The following SH3PXD2B variants were observed in gnomAD, a reference collection of about 807,000 sequenced individuals.
The protein encoded by SH3PXD2B is SH3 and PX domains 2B, also known as SH3 and PX domain-containing protein 2B.
A neutral mutation model predicts 73.1 loss-of-function variants in SH3PXD2B; 37 were observed. The observed-to-expected ratio is 0.51, with a 90% CI of 0.39 to 0.67. The LOEUF (loss-of-function observed/expected upper bound fraction) is 0.67, where lower values mean the gene tolerates loss of function less well. Ranked by LOEUF, SH3PXD2B falls within the 30% of genes least tolerant of loss-of-function variation. The pLI, the probability that SH3PXD2B is intolerant of heterozygous loss-of-function variation, is 0.00. For synonymous variants in SH3PXD2B, 457 were observed against 480.5 expected (o/e 0.95, Z 0.64); for missense variants, 1,053 against 1,197.8 (o/e 0.88, Z 1.78).
At chr5:172,442,589 T>G (rs1759572212) in intron 1 of SH3PXD2B, among the ~76,000 whole-genome samples, 2 of 152,198 alleles carry the variant, frequency 1.3e-5, no homozygotes. Context: ...AGCTACAAAT[T>G]TTAAGGAGTA....
Position 172,337,793 on chromosome 5 carries a change from C to G in SH3PXD2B, c.*576G>C. 1.0e-6 allele frequency: 1 copy of G among 996,256 alleles called. No individual in the cohort carries two copies. Among genetic ancestry groups the G allele is most frequent in the Non-Finnish European group, 1.2e-6 (1 of 836,092 alleles). 61.7% of individuals were successfully genotyped at this position (996,256 alleles called of 1,614,324 possible). ...GCCGCATCCAGTGGAACCTCAGAGGCCCACGGGCCTGAGGCTTTGGGGAAG... is the reference window on the plus strand; with the variant it reads ...GCCGCATCCAGTGGAACCTCAGAGGGCCACGGGCCTGAGGCTTTGGGGAAG... On this transcript the variant is annotated 3_prime_UTR_variant, in exon 13 of 13. Transcript: ENST00000311601.
At chr5:172,328,757 C>T (rs1438261894), downstream of SH3PXD2B, among the ~76,000 whole-genome samples, 2 of 151,984 alleles carry the variant, frequency 1.3e-5, no homozygotes, top group Non-Finnish European at 2.9e-5. Context: ...GAATATGCGT[C>T]CCTGGGCCAT....
At chr5:172,325,413 C>A in intron 12 of SH3PXD2B, 2 of 1,459,434 alleles carry the variant, frequency 1.4e-6, no homozygotes, top group Non-Finnish European at 1.9e-6. Context: ...ATCAGCAAAT[C>A]TTCAGTCCTT....
At chr5:172,439,692 G>GCACACACACACACACACACA (rs367799974) in intron 1 of SH3PXD2B, among the ~76,000 whole-genome samples, 93 of 138,612 alleles carry the variant, frequency 6.7e-4, no homozygotes, top group Non-Finnish European at 1.0e-3. Flanking sequence ...GCACGCGCGC[G>GCACACACACACACACACACA]CACACACACA....
downstream of SH3PXD2B, among the ~76,000 whole-genome samples, chr5:172,331,836 C>T (rs540586159): frequency 6.6e-6 from 1 of 152,326 alleles, no homozygotes; most frequent in South Asian, 2.1e-4. Flanking sequence ...ATCCCAGCTA[C>T]TCAGGAGGCT....
At chr5:172,388,974 C>T (rs1423437005) in intron 4 of SH3PXD2B, among the ~76,000 whole-genome samples, 2 of 152,134 alleles carry the variant, frequency 1.3e-5, no homozygotes, top group Non-Finnish European at 2.9e-5. Context: ...TCATCAGGTA[C>T]TTAGAAGACA....
At chr5:172,361,883 C>T (rs949678217) in intron 7 of SH3PXD2B, among the ~76,000 whole-genome samples, 1 of 152,132 alleles carries the variant, frequency 6.6e-6, no homozygotes, top group Non-Finnish European at 1.5e-5. Flanking sequence ...GACCTCAACT[C>T]GCCATTGGGC....
chr5:172,340,219 A>G (rs1378442553), intron 12 of SH3PXD2B, among the ~76,000 whole-genome samples: 2 of 152,210 alleles, frequency 1.3e-5, no homozygotes. Context: ...GTAGACAGAG[A>G]AAGAAGGGAA....
intron 1 of SH3PXD2B, among the ~76,000 whole-genome samples, chr5:172,449,880 CAG>C (rs780823558): frequency 2.0e-5 from 3 of 152,178 alleles, no homozygotes; most frequent in South Asian, 4.1e-4. Context: ...CTTGAAAAAA[CAG>C]GGGCATGTTC....
At chr5:172,360,571 C>A (rs1351870746) in intron 7 of SH3PXD2B, among the ~76,000 whole-genome samples, 1 of 152,208 alleles carries the variant, frequency 6.6e-6, no homozygotes, top group Non-Finnish European at 1.5e-5. Context: ...GTGGCTCACG[C>A]CTGCAATCCC....
chr5:172,448,423 T>C (rs1029319623), intron 1 of SH3PXD2B, among the ~76,000 whole-genome samples: 1 of 152,200 alleles, frequency 6.6e-6, no homozygotes, highest in Admixed American at 6.5e-5. Flanking sequence ...CAATCTCGGC[T>C]CACTGCAACC....
chr5:172,406,858 G>A (rs1758573116), intron 2 of SH3PXD2B, among the ~76,000 whole-genome samples: 1 of 152,146 alleles, frequency 6.6e-6, no homozygotes, highest in Non-Finnish European at 1.5e-5. Flanking sequence ...AGGAGACAGC[G>A]AGGAAAAGAT....
chr5:172,440,690 G>A (rs1759535451), intron 1 of SH3PXD2B, among the ~76,000 whole-genome samples: 1 of 152,182 alleles, frequency 6.6e-6, no homozygotes, highest in African/African-American at 2.4e-5. Flanking sequence ...CCCGGGCCGA[G>A]GCGTCCTAGA....
intron 2 of SH3PXD2B, among the ~76,000 whole-genome samples, chr5:172,416,696 CTTTTTTTTTTTTT>C (rs202242720): frequency 4.5e-4 from 28 of 62,264 alleles, no homozygotes; most frequent in African/African-American, 8.3e-4. Flanking sequence ...CTCTCTCTCT[CTTTTTTTTTTTTT>C]TTTTTTTTTT....
intron 2 of SH3PXD2B, 41 bp downstream of exon 2, chr5:172,422,375 C>G: frequency 6.5e-7 from 1 of 1,540,868 alleles, no homozygotes; most frequent in Non-Finnish European, 8.9e-7. Context: ...CAATTAAACT[C>G]TTTCCGATCC....
At chr5:172,436,603 G>A (rs973165993) in intron 1 of SH3PXD2B, among the ~76,000 whole-genome samples, 1 of 152,260 alleles carries the variant, frequency 6.6e-6, no homozygotes, top group African/African-American at 2.4e-5. Context: ...ACCATCGGGA[G>A]GTGCTGAGAA....
At chr5:172,425,380 T>G (rs1209313584) in intron 1 of SH3PXD2B, among the ~76,000 whole-genome samples, 2 of 151,978 alleles carry the variant, frequency 1.3e-5, no homozygotes, top group African/African-American at 4.8e-5. Context: ...GACCCCGAAG[T>G]CTGCATGAGG....
Position 172,336,926 on chromosome 5 carries a change from AC to A in SH3PXD2B, c.*1442del, listed in dbSNP as rs1756710202. The A allele has an allele frequency of 2.0e-6, 2 of 985,550 alleles. No individual in the cohort carries two copies. The highest frequency in any genetic ancestry group is 4.7e-5 in the South Asian group (1 of 21,294). The allele number at this position is 985,550 out of a possible 1,614,324, so 61.1% of individuals were successfully genotyped here. A position where few individuals can be genotyped will look rare whatever the true frequency, so the allele number is the denominator to read the frequency against. On this transcript the variant is annotated 3_prime_UTR_variant, in exon 13 of 13. Coordinates refer to ENST00000311601, the MANE Select transcript of SH3PXD2B (RefSeq NM_001017995.3). The stretch of plus-strand genomic sequence containing the variant: ...TGGCAGTGCGTGAAAAAAGAAAAAA[AC>A]ATTACAAATGCCGGAGAGGCACAGG...
At chr5:172,430,068 T>C (rs1759196915) in intron 1 of SH3PXD2B, among the ~76,000 whole-genome samples, 1 of 152,174 alleles carries the variant, frequency 6.6e-6, no homozygotes, top group African/African-American at 2.4e-5. Context: ...TTGTAAAAAA[T>C]GAGGTCTGCA....
Sources: allele counts gnomAD v4.1 joint callset (sites outside exome capture counted in the v4.1 genomes callset), GRCh38; gene constraint gnomAD v4.1.1; transcripts MANE v1.5; gene names NCBI Gene and HGNC (gene_info 2026-07-23, HGNC 2026-07-21).